L3MBTL1: variants seen among roughly 807,000 people sequenced by gnomAD.
L3MBTL1 encodes the protein L3MBTL histone methyl-lysine binding protein 1.
L3MBTL1 carries 75 observed loss-of-function variants against 105.3 expected under a neutral mutation model. The ratio of observed to expected loss-of-function variants is 0.71; its 90% confidence interval spans 0.59 to 0.86. The LOEUF (loss-of-function observed/expected upper bound fraction) is 0.86, where lower values mean the gene tolerates loss of function less well. Ranked by LOEUF, L3MBTL1 falls within the 40% of genes least tolerant of loss-of-function variation. L3MBTL1 has a pLI of 0.00. For missense variants in L3MBTL1, 1,069 were observed against 1,126.4 expected (o/e 0.95, Z 0.73); for synonymous variants, 452 against 436.2 (o/e 1.04, Z -0.45).
chr20:43,529,255 C>G lies in L3MBTL1; in HGVS notation c.952-9C>G. The G allele has an allele frequency of 6.3e-7, 1 of 1,596,392 alleles. No individual in the cohort carries two copies. ...GAAGCTGGGTCCTCTCCACTCTGTGCGTTGACAGTCCCAGGCAGTCACTCA... is the reference window on the plus strand; with the variant it reads ...GAAGCTGGGTCCTCTCCACTCTGTGGGTTGACAGTCCCAGGCAGTCACTCA... On this transcript the variant is annotated splice_polypyrimidine_tract_variant and intron_variant, in intron 8 of 21. Coordinates refer to ENST00000418998, the MANE Select transcript of L3MBTL1 (RefSeq NM_001377303.1).
chr20:43,514,163 C>A, intron 3 of L3MBTL1, 102 bp downstream of exon 3: 1 of 1,068,462 alleles, frequency 9.4e-7, no homozygotes, highest in Non-Finnish European at 1.4e-6. Flanking sequence ...GGGAAGCTGG[C>A]TCAGATGATG....
chr20:43,538,418 A>G (rs1452662665), intron 19 of L3MBTL1, among the ~76,000 whole-genome samples: 3 of 152,204 alleles, frequency 2.0e-5, no homozygotes. Flanking sequence ...AGCAGGGGTC[A>G]TTGCCCAGGT....
chr20:43,522,558 G>A (rs888431571), intron 7 of L3MBTL1, among the ~76,000 whole-genome samples: 10 of 124,478 alleles, frequency 8.0e-5, no homozygotes, highest in Admixed American at 4.2e-4. Context: ...TGTGACCCCC[G>A]CCTTGCAAGA....
intron 19 of L3MBTL1, among the ~76,000 whole-genome samples, chr20:43,538,249 G>C (rs2019731352): frequency 6.6e-6 from 1 of 152,178 alleles, no homozygotes; most frequent in Non-Finnish European, 1.5e-5. Context: ...GTCCACTGCA[G>C]GACCAAGTTC....
exon 19 of L3MBTL1, chr20:43,548,386 T>C (rs1978769707): frequency 1.3e-6 from 1 of 753,894 alleles, no homozygotes; most frequent in Admixed American, 3.5e-5. Context: ...TCTTAGAGGG[T>C]GCATGGGAGC....
intron 5 of L3MBTL1, 21 bp downstream of exon 5, chr20:43,515,180 C>T (rs757200960): frequency 3.7e-6 from 6 of 1,614,112 alleles, no homozygotes; most frequent in Non-Finnish European, 5.1e-6. Context: ...GAGGTCGCAG[C>T]CCTACTTGCT....
At chr20:43,545,818 G>T (rs1162505845), downstream of L3MBTL1, among the ~76,000 whole-genome samples, 1 of 152,222 alleles carries the variant, frequency 6.6e-6, no homozygotes, top group East Asian at 1.9e-4. Context: ...CTTGGTTAGT[G>T]AATTGGGAAA....
intron 1 of L3MBTL1, among the ~76,000 whole-genome samples, chr20:43,510,580 T>C (rs927414515): frequency 6.6e-6 from 1 of 151,368 alleles, no homozygotes; most frequent in African/African-American, 2.4e-5. Context: ...ATTTTTTTTT[T>C]ATTTTTTTGT....
Position 43,529,343 on chromosome 20 carries a change from T to C in L3MBTL1, c.1031T>C (p.Met344Thr), listed in dbSNP as rs752051793. The C allele has an allele frequency of 1.9e-6, 3 of 1,612,744 alleles. No individual in the cohort carries two copies. Among genetic ancestry groups the C allele is most frequent in the African/African-American group, 1.3e-5 (1 of 74,908 alleles). The change falls in exon 9 of 22, where the codon ATG becomes ACG. Residue 344 changes from methionine (M) to threonine (T), a missense_variant. Coordinates refer to ENST00000418998, the MANE Select transcript of L3MBTL1 (RefSeq NM_001377303.1). ...GGCATTGACCCTCAACACCCGTCCA[T>C]GTACTTCATCCTCACCGTGGCTGAG... The part of the protein sequence containing the change: ...LEGIDPQHPS[M>T]YFILTVAEVC...
In L3MBTL1 at chr20:43,532,856, T is replaced by C. The variant is rs2019410459; in HGVS notation, c.1368T>C (p.Ser456=). 6 of 1,614,050 alleles carry C rather than the reference T, an allele frequency of 3.7e-6. No homozygotes were observed. The highest frequency in any genetic ancestry group is 5.1e-6 in the Non-Finnish European group (6 of 1,180,038). The change falls in exon 12 of 22, where the codon AGT becomes AGC. Residue 456 remains serine (S), a synonymous_variant. Transcript: ENST00000418998. Reference sequence around the variant, plus strand: ...ACCCGTCCCTTGTCTGCGTGGCCAGTGTGACCGATGTGGTGGACAGCCGCT... The same window carrying C: ...ACCCGTCCCTTGTCTGCGTGGCCAGCGTGACCGATGTGGTGGACAGCCGCT... The part of the protein sequence containing the change: ...RMNPSLVCVA[S]VTDVVDSRFL...
rs2019436911 is a variant in L3MBTL1 at position 43,533,338 on chromosome 20, T to A, written c.1437-4T>A. ...TGGGACAGTGACATGTTCTTGGATT[T>A]CAGGTGTGATCCCAGCAGCCCCTAC... On this transcript the variant is annotated splice_region_variant and splice_polypyrimidine_tract_variant and intron_variant, in intron 12 of 21. Transcript: ENST00000418998. 3.1e-6 allele frequency: 5 copies of A among 1,613,442 alleles called. No individual in the cohort carries two copies. Among genetic ancestry groups the A allele is most frequent in the Non-Finnish European group, 4.2e-6 (5 of 1,179,704 alleles).
chr20:43,532,668 C>A, intron 11 of L3MBTL1, 105 bp from the exon 12 acceptor site: 2 of 1,238,884 alleles, frequency 1.6e-6, no homozygotes, highest in South Asian at 1.4e-5. Flanking sequence ...TCACTGCCCA[C>A]ACCCCAGGCT....
In L3MBTL1 at chr20:43,507,758, G is replaced by A. The variant is rs1313886006; in HGVS notation, c.-29+14G>A. 4 of 152,142 alleles carry A rather than the reference G, an allele frequency of 2.6e-5. No homozygotes were observed. The highest frequency in any genetic ancestry group is 2.0e-4 in the Admixed American group (3 of 15,268). The allele number at this position is 152,142 out of a possible 1,614,324, so 9.4% of individuals were successfully genotyped here. A position where few individuals can be genotyped will look rare whatever the true frequency, so the allele number is the denominator to read the frequency against. ...CTGGCCAGGCAGGTAAGCAACCAGC[G>A]GTGCGTGGGCTCAGACCTTGCGTCC... On this transcript the variant is annotated intron_variant, in intron 1 of 21. Transcript: ENST00000418998.
intron 18 of L3MBTL1, chr20:43,548,038 C>A: frequency 6.4e-6 from 7 of 1,089,126 alleles, no homozygotes; most frequent in South Asian, 1.4e-5. Flanking sequence ...GCACACCCCT[C>A]CCTTTCCTTC....
chr20:43,515,385 A>G lies in L3MBTL1; in HGVS notation c.747A>G (p.Pro249=), dbSNP rs2018336021. 13 of 1,559,596 alleles carry G rather than the reference A, an allele frequency of 8.3e-6. No homozygotes were observed. Among genetic ancestry groups the G allele is most frequent in the Non-Finnish European group, 1.1e-5 (13 of 1,150,672 alleles). ...GGAAGCGCAGGGAATACCAGAGCCC[A>G]TCAGAGGAGGAGTCGGAGCCAGAGG... ...KKRKRREYQS[P]SEEESEPEAM... is the part of the protein sequence containing the mutation. Residue 249 remains proline (P), a synonymous_variant, in exon 6 of 22, where the codon CCA becomes CCG. Coordinates refer to ENST00000418998, the MANE Select transcript of L3MBTL1 (RefSeq NM_001377303.1).
At chr20:43,524,482 T>A (rs769776366) in intron 7 of L3MBTL1, among the ~76,000 whole-genome samples, 13 of 152,196 alleles carry the variant, frequency 8.5e-5, no homozygotes, top group Non-Finnish European at 1.9e-4. Context: ...GTCAACAGAT[T>A]ATTATGTAAC....
intron 1 of L3MBTL1, among the ~76,000 whole-genome samples, chr20:43,510,702 C>T (rs1187027063): frequency 6.6e-6 from 1 of 151,954 alleles, no homozygotes; most frequent in African/African-American, 2.4e-5. Context: ...GAGGCGTGAG[C>T]CACTGCGCCC....
In L3MBTL1 at chr20:43,541,271, G is replaced by A. The variant is rs1288379310; in HGVS notation, c.*143G>A. ...GAGTAGTGAGTTGTAGATAAAAAAA[G>A]AATGTCAGCTTTGGAGACAGTCTGG... On this transcript the variant is annotated 3_prime_UTR_variant, in exon 22 of 22. Transcript: ENST00000418998. 7.0e-7 allele frequency: 1 copy of A among 1,424,914 alleles called. No homozygotes were observed. Among genetic ancestry groups the A allele is most frequent in the African/African-American group, 1.4e-5 (1 of 69,540 alleles). 88.3% of individuals were successfully genotyped at this position (1,424,914 alleles called of 1,614,324 possible). A position where few individuals can be genotyped will look rare whatever the true frequency, so the allele number is the denominator to read the frequency against.
At chr20:43,521,705 T>A (rs548857943) in intron 7 of L3MBTL1, among the ~76,000 whole-genome samples, 10 of 152,218 alleles carry the variant, frequency 6.6e-5, no homozygotes, top group South Asian at 2.1e-4. Context: ...AATACCCCCT[T>A]TTAATTATTT....
Sources: gnomAD v4.1 joint callset for allele counts (sites outside exome capture counted in the v4.1 genomes callset) on GRCh38, gnomAD v4.1.1 for gene constraint, MANE v1.5 for transcripts, NCBI Gene and HGNC (gene_info 2026-07-23, HGNC 2026-07-21) for gene names.